The following USP34 variants were observed in gnomAD, a reference collection of about 807,000 sequenced individuals.
The protein encoded by USP34 is ubiquitin carboxyl-terminal hydrolase 34.
USP34 carries 70 observed loss-of-function variants against 460.3 expected under a neutral mutation model. That is an observed-to-expected ratio of 0.15 (90% confidence interval 0.13 to 0.19). The LOEUF (loss-of-function observed/expected upper bound fraction) is 0.19, where lower values mean the gene tolerates loss of function less well. Ranked by LOEUF, USP34 falls within the 10% of genes least tolerant of loss-of-function variation. USP34 has a pLI of 1.00. For synonymous variants in USP34, 1,647 were observed against 1,405.3 expected (o/e 1.17, Z -3.85); for missense variants, 3,985 against 4,236.2 (o/e 0.94, Z 1.65).
Position 61,309,638 on chromosome 2 carries a change from C to T in USP34, c.3817+1902G>A, listed in dbSNP as rs145945064. On this transcript the variant is annotated intron_variant, in intron 27 of 79. Coordinates refer to ENST00000398571, the MANE Select transcript of USP34 (RefSeq NM_014709.4). ...GAGATTCCTGCTCTCACCTCCATGT[C>T]CTACTGCTTGAATCAGTAGAGGACA... 3.8e-3 allele frequency among the ~76,000 whole-genome samples: 580 copies of T among 152,252 alleles called. 2 individuals carry two copies. Among genetic ancestry groups the T allele is most frequent in the African/African-American group, 0.012 (507 of 41,550 alleles).
chr2:61,319,910 G>A (rs1032473597), intron 21 of USP34, among the ~76,000 whole-genome samples: 9 of 152,002 alleles, frequency 5.9e-5, no homozygotes, highest in African/African-American at 2.2e-4. Flanking sequence ...ATTAAACACT[G>A]GAATAAATGT....
chr2:61,401,729 T>TG (rs1462457676), intron 3 of USP34, among the ~76,000 whole-genome samples: 1 of 149,226 alleles, frequency 6.7e-6, no homozygotes, highest in Non-Finnish European at 1.5e-5. Context: ...TTTTTTTTTT[T>TG]TTGTATTTTT....
At chr2:61,444,336 TAC>T (rs1202925174) in intron 1 of USP34, among the ~76,000 whole-genome samples, 1 of 151,984 alleles carries the variant, frequency 6.6e-6, no homozygotes, top group Admixed American at 6.6e-5. Flanking sequence ...ATGGCTTTAA[TAC>T]AGATTAAACA....
intron 67 of USP34, among the ~76,000 whole-genome samples, chr2:61,215,180 GAAAT>G (rs1459681997): frequency 5.9e-5 from 9 of 152,018 alleles, no homozygotes; most frequent in Admixed American, 2.0e-4. Context: ...TATAAAGAAA[GAAAT>G]AGATATACAT....
intron 12 of USP34, 100 bp downstream of exon 12, chr2:61,350,160 T>C (rs1691903754): frequency 7.6e-7 from 1 of 1,309,286 alleles, no homozygotes; most frequent in Non-Finnish European, 1.0e-6. Flanking sequence ...CCCACACTTA[T>C]TTTAAAATAA....
chr2:61,255,181 T>C (rs188501177), intron 48 of USP34, among the ~76,000 whole-genome samples: 180 of 152,282 alleles, frequency 1.2e-3, no homozygotes, highest in African/African-American at 4.2e-3. Flanking sequence ...GAAATTCTAC[T>C]GAAAATGAAA....
intron 1 of USP34, among the ~76,000 whole-genome samples, chr2:61,439,464 T>C (rs1443010292): frequency 6.6e-6 from 1 of 152,174 alleles, no homozygotes; most frequent in African/African-American, 2.4e-5. Context: ...CCCTGCTGTA[T>C]GTGAGCACTG....
chr2:61,265,534 A>G lies in USP34; in HGVS notation c.5641T>C (p.Tyr1881His). The G allele has an allele frequency of 1.2e-6, 2 of 1,611,746 alleles. No homozygotes were observed. Among genetic ancestry groups the G allele is most frequent in the Non-Finnish European group, 1.7e-6 (2 of 1,178,296 alleles). The change falls in exon 43 of 80, where the codon TAC becomes CAC. Residue 1881 changes from tyrosine to histidine, a missense_variant. This residue lies in a region of USP34 where 1,114 missense variants were observed against 1,122.5 expected (regional missense o/e 0.99). Transcript: ENST00000398571. Reference protein sequence around the residue: ...MQSHAPYKWDYWPHEDVRAEC... With the variant: ...MQSHAPYKWDHWPHEDVRAEC... ...GCACGGACATCTTCATGAGGCCAGT[A>G]ATCCCATTTATAAGGTGCATGGGCT...
rs567798846 is a variant in USP34, at chr2:61,256,145, C to A, written c.6221+239G>T. Among the ~76,000 whole-genome samples the A allele has an allele frequency of 5.2e-4, 79 of 152,190 alleles. 1 individual carries two copies. Among genetic ancestry groups the A allele is most frequent in the African/African-American group, 1.9e-3 (78 of 41,526 alleles). On this transcript the variant is annotated intron_variant, in intron 48 of 79. Transcript: ENST00000398571. ...GTACTTATCGTCCATGTATCTGCTC[C>A]CCAAAATCTATACTGTTTCAAGTTG...
At chr2:61,369,709 A>G (rs1412497049) in intron 10 of USP34, among the ~76,000 whole-genome samples, 2 of 151,194 alleles carry the variant, frequency 1.3e-5, no homozygotes, top group Non-Finnish European at 2.9e-5. Flanking sequence ...GTTTTACAAG[A>G]AGATAAAAAG....
Position 61,298,537 on chromosome 2 carries a change from CAAAAAAAAAAAAAAAAAAA to C in USP34, c.4129-1631_4129-1613del, listed in dbSNP as rs57087400. ...TGGAGGACAGAGTGAGACTCTGTCT[CAAAAAAAAAAAAAAAAAAA>C]AAAAAAAAAAAAAAAATCTGCTGAA... On this transcript the variant is annotated intron_variant, in intron 29 of 79. Coordinates refer to ENST00000398571, the MANE Select transcript of USP34 (RefSeq NM_014709.4). 3.5e-4 allele frequency among the ~76,000 whole-genome samples: 10 copies of C among 28,280 alleles called. 1 individual carries two copies. Among genetic ancestry groups the C allele is most frequent in the African/African-American group, 6.8e-4 (4 of 5,842 alleles). 18.6% of individuals were successfully genotyped at this position (28,280 alleles called of 152,430 possible).
intron 10 of USP34, among the ~76,000 whole-genome samples, chr2:61,368,348 T>C (rs1007129186): frequency 6.6e-6 from 1 of 152,042 alleles, no homozygotes; most frequent in Non-Finnish European, 1.5e-5. Context: ...AGGAGAATCC[T>C]TTGAACCCGG....
At position 61,248,521 on chromosome 2, in the gene USP34, C is replaced by G. The variant is rs779466659; in HGVS notation, c.6384G>C (p.Glu2128Asp). 3 of 1,558,962 alleles carry G rather than the reference C, an allele frequency of 1.9e-6. No homozygotes were observed. Among genetic ancestry groups the G allele is most frequent in the Admixed American group, 1.9e-5 (1 of 52,994 alleles). Residue 2128 changes from glutamate (E) to aspartate (D), a missense_variant, in exon 49 of 80, where the codon GAG becomes GAC. By Grantham distance (45) the Glu-to-Asp change is conservative. This residue lies in a region of USP34 where 70 missense variants were observed against 78.1 expected (regional missense o/e 0.90). Coordinates refer to ENST00000398571, the MANE Select transcript of USP34 (RefSeq NM_014709.4). ...AAATGAAAAAATCACCTTCTTTCCT[C>G]TCACTCTTTCCCATAAGAAAATCTT... ...YTEDFLMGKS[E>D]RKEGFKEVSD...
chr2:61,277,606 C>T (rs1255897027), intron 41 of USP34: 1 of 152,208 alleles, frequency 6.6e-6, no homozygotes, highest in South Asian at 2.1e-4. Flanking sequence ...AAAACAAGCC[C>T]GTTTTATATT....
At chr2:61,294,587 T>G (rs1013691334) in intron 32 of USP34, among the ~76,000 whole-genome samples, 1 of 151,998 alleles carries the variant, frequency 6.6e-6, no homozygotes, top group Non-Finnish European at 1.5e-5. Context: ...ACCCAGCTCA[T>G]TTTTGCATTT....
chr2:61,355,527 T>G (rs1692076253), intron 10 of USP34, among the ~76,000 whole-genome samples: 1 of 152,186 alleles, frequency 6.6e-6, no homozygotes, highest in African/African-American at 2.4e-5. Context: ...GAAATTAGAT[T>G]GTTATACCTT....
At chr2:61,371,592 A>T (rs1484703411) in intron 8 of USP34, among the ~76,000 whole-genome samples, 1 of 152,140 alleles carries the variant, frequency 6.6e-6, no homozygotes, top group African/African-American at 2.4e-5. Flanking sequence ...AGTAAATAAA[A>T]AGTTAGAGTA....
chr2:61,246,835 T>C (rs1175761525), intron 49 of USP34, among the ~76,000 whole-genome samples: 1 of 152,160 alleles, frequency 6.6e-6, no homozygotes, highest in Non-Finnish European at 1.5e-5. Context: ...AATATTTCTT[T>C]AATCTGACTA....
intron 34 of USP34, among the ~76,000 whole-genome samples, chr2:61,286,306 T>C (rs958605352): frequency 6.6e-5 from 10 of 152,118 alleles, no homozygotes; most frequent in African/African-American, 2.4e-4. Flanking sequence ...TGGAATTATT[T>C]TGGGAAATAA....
Sources: allele counts gnomAD v4.1 joint callset (sites outside exome capture counted in the v4.1 genomes callset), GRCh38; gene constraint gnomAD v4.1.1; regional missense constraint gnomAD v4.1.1; transcripts MANE v1.5; gene names NCBI Gene and HGNC (gene_info 2026-07-23, HGNC 2026-07-21).